The following SVEP1 variants were observed in gnomAD, a reference collection of about 807,000 sequenced individuals.
SVEP1 encodes the protein sushi, von Willebrand factor type A, EGF and pentraxin domain-containing protein 1.
A neutral mutation model predicts 367.3 loss-of-function variants in SVEP1; 164 were observed. The ratio of observed to expected loss-of-function variants is 0.45; its 90% CI spans 0.39 to 0.51. The LOEUF is 0.51. Ranked by LOEUF, SVEP1 falls within the 20% of genes least tolerant of loss-of-function variation. The pLI, the probability that SVEP1 is intolerant of heterozygous loss-of-function variation, is 0.00. For missense variants in SVEP1, 4,117 were observed against 4,425.3 expected (o/e 0.93, Z 1.98); for synonymous variants, 1,666 against 1,611.6 (o/e 1.03, Z -0.81).
At chr9:110,373,222 A>G (rs1027806341) in intron 46 of SVEP1, among the ~76,000 whole-genome samples, 1 of 152,214 alleles carries the variant, frequency 6.6e-6, no homozygotes, top group Non-Finnish European at 1.5e-5. Flanking sequence ...TTGATTTGTT[A>G]TAAACAAACA....
intron 12 of SVEP1, among the ~76,000 whole-genome samples, chr9:110,480,629 T>C (rs1297379625): frequency 6.6e-6 from 1 of 151,502 alleles, no homozygotes; most frequent in African/African-American, 2.4e-5. Context: ...ACTATGAGAG[T>C]TTTTTCTCTA....
At chr9:110,438,315 T>C (rs1397404079) in intron 27 of SVEP1, among the ~76,000 whole-genome samples, 1 of 149,410 alleles carries the variant, frequency 6.7e-6, no homozygotes, top group Non-Finnish European at 1.5e-5. Context: ...GCCTCCCAAA[T>C]AGATAGCTGG....
At chr9:110,530,485 C>G (rs993297115) in intron 3 of SVEP1, among the ~76,000 whole-genome samples, 1 of 152,040 alleles carries the variant, frequency 6.6e-6, no homozygotes, top group African/African-American at 2.4e-5. Context: ...GGCAATTCCT[C>G]CTGCATAAAT....
Position 110,446,879 on chromosome 9 carries a change from TAA to T in SVEP1, c.4261+19_4261+20del. On this transcript the variant is annotated intron_variant, in intron 25 of 47. Transcript: ENST00000374469. ...TTACTATTGTTAGTATTGTTATTAA[TAA>T]CACTGAGTTGATACATACCTGTTTC... is the stretch of plus-strand genomic sequence containing the variant. 2.0e-6 allele frequency: 3 copies of T among 1,481,890 alleles called. No individual in the cohort carries two copies. The highest frequency in any genetic ancestry group is 2.7e-6 in the Non-Finnish European group (3 of 1,115,278). 91.8% of individuals were successfully genotyped at this position (1,481,890 alleles called of 1,614,324 possible).
chr9:110,393,765 A>G lies in SVEP1; in HGVS notation c.9823-4178T>C, dbSNP rs538696068. On this transcript the variant is annotated intron_variant, in intron 40 of 47. Transcript: ENST00000374469. ...CCACAGAGTCTCACTCATTGCTAGA[A>G]CAGCAGTCTGACATCAAACTGCAAG... 1.7e-3 allele frequency among the ~76,000 whole-genome samples: 264 copies of G among 152,296 alleles called. 1 individual carries two copies. The highest frequency in any genetic ancestry group is 5.7e-3 in the African/African-American group (239 of 41,570).
intron 3 of SVEP1, among the ~76,000 whole-genome samples, chr9:110,531,065 G>A (rs1830012488): frequency 6.6e-6 from 1 of 151,984 alleles, no homozygotes; most frequent in Admixed American, 6.6e-5. Context: ...GCATTTTTCA[G>A]TTGATTCCTT....
intron 13 of SVEP1, among the ~76,000 whole-genome samples, chr9:110,479,227 T>A (rs72746781): frequency 0.13 from 19,114 of 152,204 alleles, 1,411 homozygotes; most frequent in Non-Finnish European, 0.17. Context: ...CTGTTTTTTT[T>A]ATAATTGTTG....
In SVEP1 at chr9:110,394,800, G is replaced by A. The variant is rs564509578; in HGVS notation, c.9823-5213C>T. On this transcript the variant is annotated intron_variant, in intron 40 of 47. Coordinates refer to ENST00000374469, the MANE Select transcript of SVEP1 (RefSeq NM_153366.4). Reference sequence around the variant, plus strand: ...AATGAAGCAAGAAGAGAAGTTTAGAGAAAAAAGAATAAAAAGAAATGAACA... The same window carrying A: ...AATGAAGCAAGAAGAGAAGTTTAGAAAAAAAAGAATAAAAAGAAATGAACA... Among the ~76,000 whole-genome samples the A allele has an allele frequency of 1.0e-2, 1,516 of 152,170 alleles. 15 individuals are homozygous for A. The highest frequency in any genetic ancestry group is 0.015 in the Non-Finnish European group (1,004 of 67,976).
chr9:110,494,782 C>A (rs1409099936), intron 8 of SVEP1, among the ~76,000 whole-genome samples: 1 of 90,342 alleles, frequency 1.1e-5, no homozygotes, highest in Non-Finnish European at 2.3e-5. Context: ...GTCTAAACTG[C>A]CTTCTCTGTC....
intron 5 of SVEP1, among the ~76,000 whole-genome samples, chr9:110,510,186 G>T (rs1829685852): frequency 6.6e-6 from 1 of 152,168 alleles, no homozygotes; most frequent in South Asian, 2.1e-4. Flanking sequence ...AGAGCCACAG[G>T]GGCATAACTA....
intron 10 of SVEP1, among the ~76,000 whole-genome samples, 162 bp from the exon 11 acceptor site, chr9:110,482,654 G>A (rs575892173): frequency 6.6e-6 from 1 of 152,254 alleles, no homozygotes; most frequent in African/African-American, 2.4e-5. Flanking sequence ...AGTCTCCCAA[G>A]TAGCTGGGAT....
chr9:110,544,975 G>A (rs573734981), intron 3 of SVEP1, among the ~76,000 whole-genome samples: 3 of 151,934 alleles, frequency 2.0e-5, no homozygotes, highest in South Asian at 4.2e-4. Context: ...CTAATTCTAC[G>A]AGATCAAATC....
intron 9 of SVEP1, among the ~76,000 whole-genome samples, chr9:110,485,753 T>C (rs141775867): frequency 6.6e-6 from 1 of 152,298 alleles, no homozygotes; most frequent in Non-Finnish European, 1.5e-5. Context: ...CAAGGCAAAC[T>C]TAAGAAACTT....
chr9:110,481,610 T>G (rs185195907), intron 11 of SVEP1, among the ~76,000 whole-genome samples, 174 bp from the exon 12 acceptor site: 1 of 152,306 alleles, frequency 6.6e-6, no homozygotes, highest in Non-Finnish European at 1.5e-5. Context: ...TTTTGGTTCC[T>G]AGATTGACAT....
At chr9:110,424,276 C>T (rs1266182771) in intron 36 of SVEP1, among the ~76,000 whole-genome samples, 2 of 152,026 alleles carry the variant, frequency 1.3e-5, no homozygotes, top group African/African-American at 2.4e-5. Flanking sequence ...AGAGATAGCT[C>T]GTTCTGACAA....
intron 6 of SVEP1, among the ~76,000 whole-genome samples, chr9:110,502,128 A>T (rs1829543021): frequency 7.3e-6 from 1 of 136,068 alleles, no homozygotes; most frequent in Non-Finnish European, 1.6e-5. Context: ...TTTTGGACAG[A>T]GTTTTGCACT....
chr9:110,545,100 CT>C (rs1452533485), intron 3 of SVEP1, among the ~76,000 whole-genome samples: 1 of 152,166 alleles, frequency 6.6e-6, no homozygotes, highest in African/African-American at 2.4e-5. Flanking sequence ...GGATTTCATT[CT>C]TTTTTTATGG....
At chr9:110,494,354 T>C (rs993188620) in intron 8 of SVEP1, among the ~76,000 whole-genome samples, 4 of 152,182 alleles carry the variant, frequency 2.6e-5, no homozygotes, top group African/African-American at 9.6e-5. Context: ...GGAAAAAGCT[T>C]TGAAGTGGAT....
At position 110,406,352 on chromosome 9, in the gene SVEP1, T is replaced by G; in HGVS notation, c.9248A>C (p.Glu3083Ala). 1 of 1,614,084 alleles carries G rather than the reference T, an allele frequency of 6.2e-7. No homozygotes were observed. The highest frequency in any genetic ancestry group is 8.5e-7 in the Non-Finnish European group (1 of 1,179,908). ...AFISETSSWK[E>A]NVITYSCRSG... The stretch of plus-strand genomic sequence containing the variant: ...CCTGCAGCTGTAAGTTATCACATTT[T>G]CCTTCCAAGAGCTGGTCTCACTGAT... The change falls in exon 38 of 48, where the codon GAA becomes GCA. Residue 3083 changes from glutamate (E) to alanine (A), a missense_variant. By Grantham distance (107) the Glu-to-Ala change is moderately radical. Coordinates refer to ENST00000374469, the MANE Select transcript of SVEP1 (RefSeq NM_153366.4).
Sources: gnomAD v4.1 joint callset for allele counts (sites outside exome capture counted in the v4.1 genomes callset) on GRCh38, gnomAD v4.1.1 for gene constraint, MANE v1.5 for transcripts, NCBI Gene and HGNC (gene_info 2026-07-23, HGNC 2026-07-21) for gene names.